The following RBM19 variants were observed in gnomAD, a reference collection of about 807,000 sequenced individuals.
RBM19 encodes the protein probable RNA-binding protein 19.
Under a neutral mutation model 116.8 loss-of-function variants are expected in RBM19, and 94 were observed. The observed-to-expected ratio is 0.80, with a 90% CI of 0.68 to 0.95. The LOEUF is 0.95. Among genes scored for constraint, RBM19 ranks in the 40% least tolerant of loss-of-function variants. The pLI, the probability that RBM19 is intolerant of heterozygous loss-of-function variation, is 0.00. For missense variants in RBM19, 1,161 were observed against 1,220.7 expected, an observed-to-expected ratio of 0.95 and a Z score of 0.73; for synonymous variants, 475 against 494.1, an observed-to-expected ratio of 0.96 and a Z score of 0.51.
chr12:113,926,565 T>G (rs1303727192), intron 17 of RBM19, among the ~76,000 whole-genome samples: 3 of 152,118 alleles, frequency 2.0e-5, no homozygotes, highest in South Asian at 2.1e-4. Context: ...AGCCCTCATT[T>G]GGCTTTTACT....
At chr12:113,834,556 T>C (rs898334654) in intron 23 of RBM19, among the ~76,000 whole-genome samples, 1 of 152,328 alleles carries the variant, frequency 6.6e-6, no homozygotes, top group Admixed American at 6.5e-5. Context: ...AGCTTTGTCC[T>C]TGCAGGGGAA....
downstream of RBM19, among the ~76,000 whole-genome samples, chr12:113,819,629 C>T (rs16943276): frequency 0.11 from 17,322 of 152,196 alleles, 1,092 homozygotes; most frequent in South Asian, 0.24. Context: ...CAAAAACAAC[C>T]GAAGCCGCCT....
chr12:113,950,123 C>T lies in RBM19; in HGVS notation c.1032G>A (p.Glu344=), dbSNP rs1871347473. ...GYIFVDFSNE[E]EVKQALKCNR... ...TGCATTTCAGAGCTTGCTTCACTTC[C>T]TCTTCATTGCTGAAATCCACAAAGA... is the stretch of plus-strand genomic sequence containing the variant. The change falls in exon 9 of 24, where the codon GAG becomes GAA. Residue 344 remains glutamate (E), a synonymous_variant. Transcript: ENST00000261741. The T allele has an allele frequency of 8.1e-6, 13 of 1,611,888 alleles. No individual in the cohort carries two copies. Among genetic ancestry groups the T allele is most frequent in the Non-Finnish European group, 1.1e-5 (13 of 1,178,086 alleles).
At chr12:113,949,064 G>A (rs751379958) in intron 9 of RBM19, 28 bp from the exon 10 acceptor site, 2 of 1,592,154 alleles carry the variant, frequency 1.3e-6, no homozygotes, top group Admixed American at 1.7e-5. Flanking sequence ...CAGGGCTCCA[G>A]GGGGAGGCCT....
Position 113,868,443 on chromosome 12 carries a change from C to T in RBM19, c.2559-9547G>A, listed in dbSNP as rs143842929. Among the ~76,000 whole-genome samples, 371 of 152,280 alleles carry T rather than the reference C, an allele frequency of 2.4e-3. 1 individual carries two copies. The highest frequency in any genetic ancestry group is 8.3e-3 in the African/African-American group (346 of 41,552). The stretch of plus-strand genomic sequence containing the variant: ...TAAAACAGTGTTTCTTGAACTTGTC[C>T]TGAAAGATATTGATAGATATTCTAT... On this transcript the variant is annotated intron_variant, in intron 21 of 23. Coordinates refer to ENST00000261741, the MANE Select transcript of RBM19 (RefSeq NM_016196.4).
At chr12:113,833,468 C>G (rs1467380348) in intron 23 of RBM19, among the ~76,000 whole-genome samples, 2 of 152,212 alleles carry the variant, frequency 1.3e-5, no homozygotes, top group African/African-American at 2.4e-5. Flanking sequence ...CCCACTGCAC[C>G]TTGAATACAA....
chr12:113,824,388 C>A (rs893724171), intron 23 of RBM19, among the ~76,000 whole-genome samples: 3 of 152,140 alleles, frequency 2.0e-5, no homozygotes, highest in African/African-American at 7.2e-5. Context: ...GGCCCCTTGG[C>A]CCTCCAGGAA....
At chr12:113,850,676 G>A (rs1427433056) in intron 22 of RBM19, among the ~76,000 whole-genome samples, 2 of 152,224 alleles carry the variant, frequency 1.3e-5, no homozygotes, top group Non-Finnish European at 2.9e-5. Flanking sequence ...CCATCCCAAG[G>A]GGCTGCGAAG....
At chr12:113,823,525 G>A (rs144674083) in intron 23 of RBM19, among the ~76,000 whole-genome samples, 1 of 151,970 alleles carries the variant, frequency 6.6e-6, no homozygotes, top group Non-Finnish European at 1.5e-5. Context: ...GGTGGAGAGA[G>A]GATGGGGCAA....
chr12:113,831,569 G>A (rs1344037674), intron 23 of RBM19, among the ~76,000 whole-genome samples: 1 of 152,176 alleles, frequency 6.6e-6, no homozygotes, highest in Non-Finnish European at 1.5e-5. Context: ...CGTGATCGAT[G>A]AGGAAGAGCA....
chr12:113,838,827 G>A (rs1243065924), intron 23 of RBM19, among the ~76,000 whole-genome samples: 1 of 152,196 alleles, frequency 6.6e-6, no homozygotes, highest in Non-Finnish European at 1.5e-5. Context: ...CTGAGCCCAG[G>A]GGCAGGGGCA....
intron 21 of RBM19, among the ~76,000 whole-genome samples, chr12:113,869,163 T>A (rs1006663679): frequency 1.3e-5 from 2 of 152,064 alleles, no homozygotes; most frequent in African/African-American, 4.8e-5. Flanking sequence ...TGGCTGAGAG[T>A]CCGACCCCTC....
chr12:113,823,316 G>T lies in RBM19; in HGVS notation c.2791C>A (p.Pro931Thr). Residue 931 changes from proline (P) to threonine (T), a missense_variant, in exon 24 of 24, where the codon CCG (proline) becomes ACG (threonine). Pro to Thr is a conservative substitution (Grantham distance 38). Coordinates refer to ENST00000261741, the MANE Select transcript of RBM19 (RefSeq NM_016196.4). ...RKTAAHFHEP[P>T]KKKRSVVLDE... is the part of the protein sequence containing the mutation. The stretch of plus-strand genomic sequence containing the variant: ...AACACCACAGACCGCTTTTTCTTCG[G>T]GGGCTCTGTGGGAGCCCAGATGGCA... 1.2e-6 allele frequency: 2 copies of T among 1,612,748 alleles called. No individual in the cohort carries two copies. Among genetic ancestry groups the T allele is most frequent in the South Asian group, 1.1e-5 (1 of 91,076 alleles).
At chr12:113,952,386 C>T (rs1871544115) in intron 8 of RBM19, 126 bp downstream of exon 8, 5 of 835,344 alleles carry the variant, frequency 6.0e-6, no homozygotes, top group Non-Finnish European at 7.6e-6. Flanking sequence ...ACCACATCCA[C>T]ACAACTGAGG....
intron 21 of RBM19, among the ~76,000 whole-genome samples, chr12:113,904,603 C>T (rs887430756): frequency 2.6e-5 from 4 of 152,122 alleles, no homozygotes; most frequent in South Asian, 2.1e-4. Flanking sequence ...AATGCAGCAG[C>T]GAGGACCATC....
In RBM19 at chr12:113,849,841, C is replaced by T. The variant is rs534538529; in HGVS notation, c.2665-5053G>A. Among the ~76,000 whole-genome samples, 15 of 152,302 alleles carry T rather than the reference C, an allele frequency of 9.8e-5. No individual in the cohort carries two copies. The East Asian group carries it at 1.9e-3, about 20-fold the overall frequency. ...CTGGTCCCTCCTCCCCCATCCTCTA[C>T]GCTTTAGGAGCCAACTCTGCACAGT... On this transcript the variant is annotated intron_variant, in intron 22 of 23. Coordinates refer to ENST00000261741, the MANE Select transcript of RBM19 (RefSeq NM_016196.4).
chr12:113,817,938 C>A (rs979522126), downstream of RBM19: 2 of 151,916 alleles, frequency 1.3e-5, no homozygotes, highest in Non-Finnish European at 2.9e-5. Flanking sequence ...ACTAAAAATA[C>A]AAAAAATTAG....
intron 23 of RBM19, among the ~76,000 whole-genome samples, chr12:113,824,207 G>A (rs969119672): frequency 3.9e-5 from 6 of 152,180 alleles, no homozygotes; most frequent in African/African-American, 9.7e-5. Flanking sequence ...TGTAGGAGAC[G>A]GAACTGAGGC....
At chr12:113,868,941 T>C (rs1593508445) in intron 21 of RBM19, among the ~76,000 whole-genome samples, 2 of 152,304 alleles carry the variant, frequency 1.3e-5, no homozygotes, top group South Asian at 4.2e-4. Flanking sequence ...ACCACCTTTC[T>C]GAGGCTCAGT....
Sources: allele counts gnomAD v4.1 joint callset (sites outside exome capture counted in the v4.1 genomes callset), GRCh38; gene constraint gnomAD v4.1.1; transcripts MANE v1.5; gene names NCBI Gene and HGNC (gene_info 2026-07-23, HGNC 2026-07-21).